Variants in TRIM14 observed in about 807,000 individuals in gnomAD.
TRIM14 encodes the protein tripartite motif containing 14.
In TRIM14, 28 loss-of-function variants were observed where a neutral mutation model predicts 44.5. The ratio of observed to expected loss-of-function variants is 0.63; its 90% CI spans 0.47 to 0.86. The LOEUF (loss-of-function observed/expected upper bound fraction) is 0.86, where lower values mean the gene tolerates loss of function less well. TRIM14 is among the 40% of genes least tolerant of loss of function. The pLI is 0.00. For missense variants in TRIM14, 607 were observed against 611.1 expected (o/e 0.99, Z 0.07); for synonymous variants, 299 against 269.2 (o/e 1.11, Z -1.08).
At chr9:98,044,698 G>C in the TRIM14 span, among the ~76,000 whole-genome samples, 1 of 152,026 alleles carries the variant, frequency 6.6e-6, no homozygotes, top group African/African-American at 2.4e-5. Flanking sequence ...CTTGGATGCT[G>C]AGTAAACTCA....
chr9:98,056,273 C>G, the TRIM14 span, among the ~76,000 whole-genome samples: 1 of 152,132 alleles, frequency 6.6e-6, no homozygotes, highest in Non-Finnish European at 1.5e-5. Context: ...CAGAGAGAAA[C>G]AAAAATAACG....
At chr9:98,092,499 T>C in intron 4 of TRIM14, 2 of 425,262 alleles carry the variant, frequency 4.7e-6, no homozygotes, top group South Asian at 1.7e-5. Flanking sequence ...ACTCAGCACC[T>C]CCGCAGAAGT....
intron 1 of TRIM14, chr9:98,110,210 A>C: frequency 2.0e-6 from 1 of 509,610 alleles, no homozygotes; most frequent in Non-Finnish European, 3.5e-6. Context: ...CTTGATTTGC[A>C]CCCCTTCCTC....
intron 6 of TRIM14, among the ~76,000 whole-genome samples, chr9:98,077,401 GGTCT>G (rs151037054): frequency 0.014 from 2,149 of 151,024 alleles, 45 homozygotes; most frequent in African/African-American, 0.05. Context: ...ATAGAGACAA[GGTCT>G]GTCTATGTTG....
At chr9:98,097,620 A>T (rs1826233188) in intron 3 of TRIM14, among the ~76,000 whole-genome samples, 1 of 152,116 alleles carries the variant, frequency 6.6e-6, no homozygotes, top group African/African-American at 2.4e-5. Flanking sequence ...CAAGTCCCCC[A>T]CCCAACTGTG....
Position 98,087,752 on chromosome 9 carries a change from G to C in TRIM14, c.1047C>G (p.Ala349=). 1 of 1,543,844 alleles carries C rather than the reference G, an allele frequency of 6.5e-7. No homozygotes were observed. The highest frequency in any genetic ancestry group is 8.7e-7 in the Non-Finnish European group (1 of 1,155,270). The part of the protein sequence containing the change: ...AAYASLRRRG[A]SAAARLGCNR... The stretch of plus-strand genomic sequence containing the variant: ...TGCAGCCCAGGCGGGCGGCGGCCGA[G>C]GCCCCGCGGCGCCGAAGGGAGGCGT... The change falls in exon 6 of 6, where the codon GCC becomes GCG. Residue 349 remains alanine (A), a synonymous_variant. Transcript: ENST00000341469.
chr9:98,046,500 G>T, the TRIM14 span, among the ~76,000 whole-genome samples: 3 of 151,718 alleles, frequency 2.0e-5, no homozygotes, highest in African/African-American at 7.3e-5. Context: ...GTAGTGCAAT[G>T]GCGTGATCTC....
chr9:98,078,697 T>C (rs1263778834), intron 6 of TRIM14, among the ~76,000 whole-genome samples: 1 of 151,712 alleles, frequency 6.6e-6, no homozygotes, highest in Non-Finnish European at 1.5e-5. Context: ...TAGTCAGGCA[T>C]GGTGATGCGT....
rs1826318475 is a variant in TRIM14 at position 98,099,742 on chromosome 9, G to A, written c.537+189C>T. 1.3e-5 allele frequency among the ~76,000 whole-genome samples: 2 copies of A among 152,232 alleles called. 1 individual carries two copies. The highest frequency in any genetic ancestry group is 4.8e-5 in the African/African-American group (2 of 41,462). On this transcript the variant is annotated intron_variant, in intron 3 of 5. Transcript: ENST00000341469. ...TGTTAATATTATTTAATTAGCCCAA[G>A]AGGTGTATTATCTTCCTAACAATGT...
chr9:98,094,854 C>T lies in TRIM14; in HGVS notation c.700+13G>A, dbSNP rs1215016724. 1.1e-5 allele frequency: 18 copies of T among 1,611,788 alleles called. No homozygotes were observed. Among genetic ancestry groups the T allele is most frequent in the Non-Finnish European group, 1.5e-5 (18 of 1,178,538 alleles). ...GGAGTTAAGGACACAAAGTTGGTCA[C>T]TCGGCGACTTACTTTCCTTAAGGCG... is the stretch of plus-strand genomic sequence containing the variant. On this transcript the variant is annotated intron_variant, in intron 4 of 5. Coordinates refer to ENST00000341469, the MANE Select transcript of TRIM14 (RefSeq NM_014788.4).
chr9:98,070,152 C>T (rs1039053862), intron 6 of TRIM14, among the ~76,000 whole-genome samples: 1 of 152,164 alleles, frequency 6.6e-6, no homozygotes, highest in Non-Finnish European at 1.5e-5. Flanking sequence ...CAGAGTCTTG[C>T]TGTCACGCAG....
At chr9:98,103,579 C>A (rs1826482522) in intron 2 of TRIM14, among the ~76,000 whole-genome samples, 1 of 152,054 alleles carries the variant, frequency 6.6e-6, no homozygotes, top group Non-Finnish European at 1.5e-5. Flanking sequence ...TGGCTCACGC[C>A]TGTAATTCCA....
chr9:98,060,883 G>GA, the TRIM14 span: 1 of 1,614,192 alleles, frequency 6.2e-7, no homozygotes, highest in Non-Finnish European at 8.5e-7. Flanking sequence ...ATTCCTGGGG[G>GA]AAGACGTACG....
chr9:98,046,888 G>T, the TRIM14 span, among the ~76,000 whole-genome samples: 1 of 152,160 alleles, frequency 6.6e-6, no homozygotes, highest in Non-Finnish European at 1.5e-5. Flanking sequence ...GATTAGGCAC[G>T]TACAGGACCT....
At chr9:98,118,196 A>C (rs1031032336) in intron 1 of TRIM14, among the ~76,000 whole-genome samples, 2 of 152,124 alleles carry the variant, frequency 1.3e-5, no homozygotes, top group Admixed American at 1.3e-4. Context: ...GAGAGAGAGA[A>C]GGATTTGAGA....
chr9:98,099,668 T>C (rs1826316409), intron 3 of TRIM14, among the ~76,000 whole-genome samples: 1 of 152,100 alleles, frequency 6.6e-6, no homozygotes, highest in African/African-American at 2.4e-5. Context: ...TGAATATTAG[T>C]GCTAAACTAC....
chr9:98,099,152 A>G (rs1040853888), intron 3 of TRIM14, among the ~76,000 whole-genome samples: 1 of 152,002 alleles, frequency 6.6e-6, no homozygotes, highest in African/African-American at 2.4e-5. Flanking sequence ...GGGTGTCTCA[A>G]TTTAAGACTA....
At chr9:98,114,564 G>A (rs966276469) in intron 1 of TRIM14, among the ~76,000 whole-genome samples, 4 of 151,958 alleles carry the variant, frequency 2.6e-5, no homozygotes, top group Admixed American at 6.6e-5. Context: ...CCTCGTGATC[G>A]GCCCGCCTCA....
chr9:98,109,874 G>T lies in TRIM14; in HGVS notation c.303+15C>A. ...TGGGTCTTTCCATGGGTATGAGGAA[G>T]AAATGTCCACTTGCCTTGAGCTTCT... On this transcript the variant is annotated intron_variant, in intron 2 of 5. Transcript: ENST00000341469. 5 of 1,605,528 alleles carry T rather than the reference G, an allele frequency of 3.1e-6. No homozygotes were observed. The South Asian group carries it at 4.4e-5, about 14-fold the overall frequency.
Sources: allele counts gnomAD v4.1 joint callset (sites outside exome capture counted in the v4.1 genomes callset), GRCh38; gene constraint gnomAD v4.1.1; transcripts MANE v1.5; gene names NCBI Gene and HGNC (gene_info 2026-07-23, HGNC 2026-07-21).